Variants in SPATA13 observed in about 807,000 individuals in gnomAD.
The protein encoded by SPATA13 is spermatogenesis associated 13.
A neutral mutation model predicts 104.0 loss-of-function variants in SPATA13; 50 were observed. That is an observed-to-expected ratio of 0.48 (90% CI 0.38 to 0.61). The LOEUF is 0.61. SPATA13 is among the 20% of genes least tolerant of loss of function. The probability of loss-of-function intolerance (pLI) is 0.00; values close to 1 mark genes in which losing one functional copy is unlikely to be tolerated. For synonymous variants in SPATA13, 606 were observed against 667.5 expected (o/e 0.91, Z 1.42); for missense variants, 1,524 against 1,690.6 (o/e 0.90, Z 1.73).
chr13:24,056,488 T>A (rs1317897195), intron 3 of SPATA13, among the ~76,000 whole-genome samples: 1 of 152,248 alleles, frequency 6.6e-6, no homozygotes, highest in East Asian at 1.9e-4. Context: ...CCCATGGACC[T>A]CTGTCCTTCT....
At position 24,305,696 on chromosome 13, in the gene SPATA13, A is replaced by G. The variant is rs571511596; in HGVS notation, c.*2923A>G. The stretch of plus-strand genomic sequence containing the variant: ...AACCTTACTTTACATAATATTATAG[A>G]TGGGCCAAGAAAAGAAAAGATGACA... On this transcript the variant is annotated 3_prime_UTR_variant, in exon 13 of 13. Coordinates refer to ENST00000382108, the MANE Select transcript of SPATA13 (RefSeq NM_001166271.3). 2.0e-5 allele frequency: 3 copies of G among 152,300 alleles called. No individual in the cohort carries two copies. Among genetic ancestry groups the G allele is most frequent in the African/African-American group, 4.8e-5 (2 of 41,568 alleles). The allele number at this position is 152,300 out of a possible 1,614,324, so 9.4% of individuals were successfully genotyped here. A position where few individuals can be genotyped will look rare whatever the true frequency, so the allele number is the denominator to read the frequency against.
At chr13:24,003,181 G>C (rs1876061035) in intron 2 of SPATA13, among the ~76,000 whole-genome samples, 2 of 152,214 alleles carry the variant, frequency 1.3e-5, no homozygotes, top group African/African-American at 2.4e-5. Context: ...GGGTGTGTGT[G>C]TGTGTGTATG....
chr13:24,294,227 G>A (rs1206320931), intron 9 of SPATA13, among the ~76,000 whole-genome samples: 1 of 152,224 alleles, frequency 6.6e-6, no homozygotes, highest in Admixed American at 6.5e-5. Flanking sequence ...TGAGGCGAAT[G>A]CCATACTGGC....
intron 3 of SPATA13, among the ~76,000 whole-genome samples, chr13:24,023,057 T>C (rs1403841127): frequency 6.6e-6 from 1 of 152,114 alleles, no homozygotes. Context: ...GTCATTTACA[T>C]TAGGTATTTC....
At chr13:24,211,640 C>T (rs1280168667) in intron 1 of SPATA13, among the ~76,000 whole-genome samples, 1 of 152,106 alleles carries the variant, frequency 6.6e-6, no homozygotes, top group African/African-American at 2.4e-5. Context: ...CCCCTCTCTC[C>T]ATGTTGTCCA....
chr13:24,141,937 T>G (rs1410474467), intron 3 of SPATA13, among the ~76,000 whole-genome samples: 2 of 152,202 alleles, frequency 1.3e-5, no homozygotes, highest in Admixed American at 6.5e-5. Context: ...GAGTCAGGTC[T>G]TCATGTTGCT....
chr13:24,181,618 T>C (rs1868813051), intron 1 of SPATA13, among the ~76,000 whole-genome samples: 1 of 152,174 alleles, frequency 6.6e-6, no homozygotes, highest in African/African-American at 2.4e-5. Flanking sequence ...TCCATATCAC[T>C]GTCTACCACC....
intron 4 of SPATA13, among the ~76,000 whole-genome samples, chr13:24,271,916 T>G (rs922521523): frequency 1.3e-5 from 2 of 152,102 alleles, no homozygotes; most frequent in Admixed American, 1.3e-4. Flanking sequence ...GTCTGGTGGA[T>G]TATCAAAACA....
At chr13:24,288,166 C>G (rs1876093487) in intron 7 of SPATA13, among the ~76,000 whole-genome samples, 1 of 152,230 alleles carries the variant, frequency 6.6e-6, no homozygotes, top group Non-Finnish European at 1.5e-5. Context: ...GCTACCACAG[C>G]ATTCCCCCTG....
chr13:23,982,493 C>G (rs889571815), intron 1 of SPATA13, among the ~76,000 whole-genome samples: 1 of 152,088 alleles, frequency 6.6e-6, no homozygotes, highest in Non-Finnish European at 1.5e-5. Context: ...CTTTACCGGA[C>G]TGATGAAAAC....
At chr13:24,150,334 G>A (rs898090241) in intron 3 of SPATA13, among the ~76,000 whole-genome samples, 1 of 152,192 alleles carries the variant, frequency 6.6e-6, no homozygotes, top group African/African-American at 2.4e-5. Flanking sequence ...CCCCTAGAGA[G>A]CAGCCTGCAG....
At position 24,205,776 on chromosome 13, in the gene SPATA13, A is replaced by G. The variant is rs1870667927; in HGVS notation, c.-111-17043A>G. 6.6e-6 allele frequency among the ~76,000 whole-genome samples: 1 copy of G among 152,112 alleles called. No individual in the cohort carries two copies. Among genetic ancestry groups the G allele is most frequent in the Non-Finnish European group, 1.5e-5 (1 of 68,002 alleles). On this transcript the variant is annotated intron_variant, in intron 1 of 12. Coordinates refer to ENST00000382108, the MANE Select transcript of SPATA13 (RefSeq NM_001166271.3). This position sits in a 1 kb window ranked among gnomAD's most constrained non-coding sequence, Gnocchi z 4.1. ...ACAGAATAGAGAACCCAGAAATAAG[A>G]TCACACACCTACAACTATCTGACCT...
Position 24,290,813 on chromosome 13 carries a change from A to T in SPATA13, c.3009A>T (p.Thr1003=). 6.2e-7 allele frequency: 1 copy of T among 1,614,114 alleles called. No homozygotes were observed. The highest frequency in any genetic ancestry group is 8.5e-7 in the Non-Finnish European group (1 of 1,180,032). ...TCGCCATCGACGGGTTCCTGCTCAC[A>T]CCAGTGCAGAAGATCTGCAAATACC... ...IDIAIDGFLL[T]PVQKICKYPL... The change falls in exon 9 of 13, where the codon ACA becomes ACT. Residue 1003 remains threonine, a synonymous_variant. Transcript: ENST00000382108.
intron 3 of SPATA13, among the ~76,000 whole-genome samples, chr13:24,036,013 C>CAAAAAAAAAAAAAAAAAAAA (rs56837096): frequency 8.9e-6 from 1 of 112,510 alleles, no homozygotes. Context: ...GACCCTGTCT[C>CAAAAAAAAAAAAAAAAAAAA]AAAAAAAAAA....
intron 3 of SPATA13, chr13:24,035,001 T>C (rs1029618994): frequency 2.2e-4 from 34 of 152,342 alleles, no homozygotes; most frequent in African/African-American, 8.2e-4. Flanking sequence ...TCAGCTTTCT[T>C]GCCAAGAAAT....
chr13:24,190,762 T>C (rs1382421407), intron 1 of SPATA13, among the ~76,000 whole-genome samples: 1 of 152,216 alleles, frequency 6.6e-6, no homozygotes, highest in East Asian at 1.9e-4. Flanking sequence ...GTGAAGATGC[T>C]GTGAACACGG....
At chr13:24,186,009 A>G (rs1361019682) in intron 1 of SPATA13, among the ~76,000 whole-genome samples, 2 of 152,182 alleles carry the variant, frequency 1.3e-5, no homozygotes, top group African/African-American at 4.8e-5. Flanking sequence ...CCTTCAACTG[A>G]TTAGAGGAGG....
chr13:24,071,277 G>A (rs1879154165), intron 3 of SPATA13, among the ~76,000 whole-genome samples: 1 of 152,166 alleles, frequency 6.6e-6, no homozygotes, highest in African/African-American at 2.4e-5. Context: ...CCAAAGGGTG[G>A]GAAGCCAGAC....
At chr13:24,289,900 C>T (rs1011966224) in intron 8 of SPATA13, among the ~76,000 whole-genome samples, 1 of 152,190 alleles carries the variant, frequency 6.6e-6, no homozygotes, top group African/African-American at 2.4e-5. Flanking sequence ...GTGCTGGGCT[C>T]AGTAGCTGTC....
Sources: gnomAD v4.1 joint callset for allele counts (sites outside exome capture counted in the v4.1 genomes callset) on GRCh38, gnomAD v4.1.1 for gene constraint, Gnocchi (gnomAD v3.1) non-coding constraint, MANE v1.5 for transcripts, NCBI Gene and HGNC (gene_info 2026-07-23, HGNC 2026-07-21) for gene names.